Variants in DTX3 observed in about 807,000 individuals in gnomAD.
DTX3 encodes deltex E3 ubiquitin ligase 3.
Under a neutral mutation model 27.4 loss-of-function variants are expected in DTX3, and 10 were observed. The ratio of observed to expected loss-of-function variants is 0.36; its 90% CI spans 0.22 to 0.62. The LOEUF (loss-of-function observed/expected upper bound fraction) is 0.62, where lower values mean the gene tolerates loss of function less well. Ranked by LOEUF, DTX3 falls within the 20% of genes least tolerant of loss-of-function variation. The probability of loss-of-function intolerance (pLI) is 0.68; values close to 1 mark genes in which losing one functional copy is unlikely to be tolerated. For missense variants in DTX3, 319 were observed against 463.8 expected (o/e 0.69, Z 2.87); for synonymous variants, 171 against 190.7 (o/e 0.90, Z 0.85).
At position 57,609,582 on chromosome 12, in the gene DTX3, G is replaced by T. The variant is rs1883931424; in HGVS notation, c.*430G>T. On this transcript the variant is annotated 3_prime_UTR_variant, in exon 7 of 7. Coordinates refer to ENST00000337737, the MANE Select transcript of DTX3 (RefSeq NM_178502.4). ...GGTGCCGGGGAGGAGAAATTGGGCTGATGTGAGCTCCCCGTCACCCGCCAT... is the reference window on the plus strand; with the variant it reads ...GGTGCCGGGGAGGAGAAATTGGGCTTATGTGAGCTCCCCGTCACCCGCCAT... The T allele has an allele frequency of 5.2e-6, 1 of 191,896 alleles. No homozygotes were observed. The highest frequency in any genetic ancestry group is 1.1e-5 in the Non-Finnish European group (1 of 91,150). The allele number at this position is 191,896 out of a possible 1,614,324, so 11.9% of individuals were successfully genotyped here. A position where few individuals can be genotyped will look rare whatever the true frequency, so the allele number is the denominator to read the frequency against.
In DTX3 at chr12:57,606,252, G is replaced by A. The variant is rs1883711904; in HGVS notation, c.-76G>A. On this transcript the variant is annotated splice_region_variant and 5_prime_UTR_variant, in exon 3 of 7. Coordinates refer to ENST00000337737, the MANE Select transcript of DTX3 (RefSeq NM_178502.4). ...GCCATCATCTTCCATGGGCTTTCCA[G>A]GTATCTCCCCCGCAAGGGATCCTCA... is the stretch of plus-strand genomic sequence containing the variant. 1 of 497,320 alleles carries A rather than the reference G, an allele frequency of 2.0e-6. No homozygotes were observed. Among genetic ancestry groups the A allele is most frequent in the Admixed American group, 3.8e-5 (1 of 26,482 alleles). The allele number at this position is 497,320 out of a possible 1,614,324, so 30.8% of individuals were successfully genotyped here.
At position 57,606,272 on chromosome 12, in the gene DTX3, T is replaced by G. The variant is rs1033751888; in HGVS notation, c.-76+20T>G. 1 of 534,022 alleles carries G rather than the reference T, an allele frequency of 1.9e-6. No homozygotes were observed. The highest frequency in any genetic ancestry group is 3.3e-6 in the Non-Finnish European group (1 of 304,716). 33.1% of individuals were successfully genotyped at this position (534,022 alleles called of 1,614,324 possible). A position where few individuals can be genotyped will look rare whatever the true frequency, so the allele number is the denominator to read the frequency against. On this transcript the variant is annotated intron_variant, in intron 3 of 6. Coordinates refer to ENST00000337737, the MANE Select transcript of DTX3 (RefSeq NM_178502.4). ...TTCCAGGTATCTCCCCCGCAAGGGA[T>G]CCTCAATTTTCACCCTTAAACTGGT...
rs540027043 is a variant in DTX3 at position 57,609,485 on chromosome 12, G to C, written c.*333G>C. ...GTGCTCCACGACCAAGCCGAGAAAG[G>C]ACCTAGGGTGGGGAAGGGAGGGTCT... On this transcript the variant is annotated 3_prime_UTR_variant, in exon 7 of 7. Transcript: ENST00000337737. The C allele has an allele frequency of 2.4e-4, 60 of 253,912 alleles. No individual in the cohort carries two copies. Among genetic ancestry groups the C allele is most frequent in the Non-Finnish European group, 4.3e-4 (56 of 129,834 alleles). The allele number at this position is 253,912 out of a possible 1,614,324, so 15.7% of individuals were successfully genotyped here.
chr12:57,609,346 G>A lies in DTX3; in HGVS notation c.*194G>A. 1 of 600,730 alleles carries A rather than the reference G, an allele frequency of 1.7e-6. No individual in the cohort carries two copies. Among genetic ancestry groups the A allele is most frequent in the East Asian group, 2.8e-5 (1 of 35,584 alleles). The allele number at this position is 600,730 out of a possible 1,614,324, so 37.2% of individuals were successfully genotyped here. A position where few individuals can be genotyped will look rare whatever the true frequency, so the allele number is the denominator to read the frequency against. On this transcript the variant is annotated 3_prime_UTR_variant, in exon 7 of 7. Coordinates refer to ENST00000337737, the MANE Select transcript of DTX3 (RefSeq NM_178502.4). ...GGCCAAGTGTTTCAATGCAGTGTGA[G>A]CCACTCCCTTCTGGCAGAGGCCGAC...
intron 4 of DTX3, 86 bp downstream of exon 4, chr12:57,606,604 A>G: frequency 6.5e-7 from 1 of 1,545,136 alleles, no homozygotes; most frequent in Non-Finnish European, 8.9e-7. Flanking sequence ...AGTTGTTTCT[A>G]TGATCTGGGA....
In DTX3 at chr12:57,609,336, T is replaced by G; in HGVS notation, c.*184T>G. 1.6e-6 allele frequency: 1 copy of G among 621,578 alleles called. No individual in the cohort carries two copies. Among genetic ancestry groups the G allele is most frequent in the Non-Finnish European group, 2.9e-6 (1 of 348,160 alleles). The allele number at this position is 621,578 out of a possible 1,614,324, so 38.5% of individuals were successfully genotyped here. A position where few individuals can be genotyped will look rare whatever the true frequency, so the allele number is the denominator to read the frequency against. ...ATCCCCCACTGGCCAAGTGTTTCAA[T>G]GCAGTGTGAGCCACTCCCTTCTGGC... On this transcript the variant is annotated 3_prime_UTR_variant, in exon 7 of 7. Transcript: ENST00000337737.
chr12:57,606,565 C>T (rs765693743), intron 4 of DTX3, 47 bp downstream of exon 4: 3 of 1,606,044 alleles, frequency 1.9e-6, no homozygotes, highest in East Asian at 2.2e-5. Context: ...TTTAAACAGC[C>T]CATTTTTCCC....
In DTX3 at chr12:57,609,222, C is replaced by T. The variant is rs756208640; in HGVS notation, c.*70C>T. On this transcript the variant is annotated 3_prime_UTR_variant, in exon 7 of 7. Transcript: ENST00000337737. The stretch of plus-strand genomic sequence containing the variant: ...GACCCAGCAGAAGCCTCTTTCTCCT[C>T]TCTGCCCCCTGCCCCCCACACCACA... The T allele has an allele frequency of 2.3e-5, 33 of 1,436,302 alleles. No homozygotes were observed. The highest frequency in any genetic ancestry group is 2.9e-5 in the Non-Finnish European group (30 of 1,025,682). 89.0% of individuals were successfully genotyped at this position (1,436,302 alleles called of 1,614,324 possible). A position where few individuals can be genotyped will look rare whatever the true frequency, so the allele number is the denominator to read the frequency against.
At position 57,606,858 on chromosome 12, in the gene DTX3, G is replaced by C; in HGVS notation, c.2-7G>C. 3.1e-6 allele frequency: 5 copies of C among 1,598,386 alleles called. 1 individual carries two copies. The South Asian group carries it at 4.5e-5, about 14-fold the overall frequency. ...CCCACCCTGAGTCCCTTTCACCCTG[G>C]GGGCAGTGTCGTTCGTCCTGTCCAG... On this transcript the variant is annotated splice_polypyrimidine_tract_variant and splice_region_variant and intron_variant, in intron 4 of 6. Transcript: ENST00000337737.
Position 57,608,666 on chromosome 12 carries a change from C to A in DTX3, c.897C>A (p.Thr299=), listed in dbSNP as rs762458895. The change falls in exon 6 of 7, where the codon ACC becomes ACA. Residue 299 remains threonine (T), a synonymous_variant. Coordinates refer to ENST00000337737, the MANE Select transcript of DTX3 (RefSeq NM_178502.4). This position sits in a 1 kb window ranked among gnomAD's most constrained non-coding sequence, Gnocchi z 6.1. Reference sequence around the variant, plus strand: ...CCTTCACTATCGGCACGTCCATGACCACAGGGAGACCGAATGTCATCACCT... The same window carrying A: ...CCTTCACTATCGGCACGTCCATGACAACAGGGAGACCGAATGTCATCACCT... The part of the protein sequence containing the change: ...RLTFTIGTSM[T]TGRPNVITWN... 29 of 1,614,074 alleles carry A rather than the reference C, an allele frequency of 1.8e-5. No individual in the cohort carries two copies. Among genetic ancestry groups the A allele is most frequent in the Non-Finnish European group, 2.2e-5 (26 of 1,180,026 alleles).
Position 57,608,792 on chromosome 12 carries a change from A to C in DTX3, c.968+55A>C. 6.3e-7 allele frequency: 1 copy of C among 1,586,980 alleles called. No homozygotes were observed. On this transcript the variant is annotated intron_variant, in intron 6 of 6. Transcript: ENST00000337737. This position sits in a 1 kb window ranked among gnomAD's most constrained non-coding sequence, Gnocchi z 6.1. The stretch of plus-strand genomic sequence containing the variant: ...GGCTCCTCCCCTTTGTTCCATTTCC[A>C]CTGAGGGACCCACCAACCCCTCGCT...
At position 57,609,257 on chromosome 12, in the gene DTX3, G is replaced by C; in HGVS notation, c.*105G>C. 1 of 1,018,682 alleles carries C rather than the reference G, an allele frequency of 9.8e-7. No homozygotes were observed. Among genetic ancestry groups the C allele is most frequent in the Non-Finnish European group, 1.5e-6 (1 of 668,298 alleles). The allele number at this position is 1,018,682 out of a possible 1,614,324, so 63.1% of individuals were successfully genotyped here. On this transcript the variant is annotated 3_prime_UTR_variant, in exon 7 of 7. Transcript: ENST00000337737. Reference sequence around the variant, plus strand: ...TGCCCCCCACACCACACCTGTAGGGGACCTGTCTGACTGGGAAGGGAGTTC... The same window carrying C: ...TGCCCCCCACACCACACCTGTAGGGCACCTGTCTGACTGGGAAGGGAGTTC...
chr12:57,606,771 G>A, intron 4 of DTX3, 94 bp from the exon 5 acceptor site: 1 of 1,471,662 alleles, frequency 6.8e-7, no homozygotes, highest in East Asian at 2.3e-5. Context: ...GAAAACAGAG[G>A]TAATAGAGGG....
chr12:57,609,343 T>G lies in DTX3; in HGVS notation c.*191T>G, dbSNP rs530277789. On this transcript the variant is annotated 3_prime_UTR_variant, in exon 7 of 7. Coordinates refer to ENST00000337737, the MANE Select transcript of DTX3 (RefSeq NM_178502.4). The stretch of plus-strand genomic sequence containing the variant: ...ACTGGCCAAGTGTTTCAATGCAGTG[T>G]GAGCCACTCCCTTCTGGCAGAGGCC... The G allele has an allele frequency of 6.6e-6, 4 of 604,786 alleles. No homozygotes were observed. The South Asian group carries it at 7.7e-5, about 12-fold the overall frequency. The allele number at this position is 604,786 out of a possible 1,614,324, so 37.5% of individuals were successfully genotyped here.
Position 57,607,624 on chromosome 12 carries a change from C to T in DTX3, c.750+11C>T. 3 of 1,614,000 alleles carry T rather than the reference C, an allele frequency of 1.9e-6. No individual in the cohort carries two copies. The highest frequency in any genetic ancestry group is 2.5e-6 in the Non-Finnish European group (3 of 1,180,002). On this transcript the variant is annotated intron_variant, in intron 5 of 6. Transcript: ENST00000337737. This position sits in a 1 kb window ranked among gnomAD's most constrained non-coding sequence, Gnocchi z 7.7. Reference sequence around the variant, plus strand: ...CCCGGTGTCCAGGGGGTAAGAAGACCATGGCCTGCCCTTACCCTTTGGCTT... The same window carrying T: ...CCCGGTGTCCAGGGGGTAAGAAGACTATGGCCTGCCCTTACCCTTTGGCTT...
In DTX3 at chr12:57,607,063, C is replaced by T; in HGVS notation, c.200C>T (p.Pro67Leu). 1 of 1,614,214 alleles carries T rather than the reference C, an allele frequency of 6.2e-7. No individual in the cohort carries two copies. The highest frequency in any genetic ancestry group is 1.1e-5 in the South Asian group (1 of 91,084). Reference sequence around the variant, plus strand: ...GTTCTCCAGCTTTCCCCACAGGGTCCTCCCCCGGCCCCTCCAAATGGGCTC... The same window carrying T: ...GTTCTCCAGCTTTCCCCACAGGGTCTTCCCCCGGCCCCTCCAAATGGGCTC... ...IYVLQLSPQG[P>L]PPAPPNGLYL... The change falls in exon 5 of 7, where the codon CCT becomes CTT. Residue 67 changes from proline (P) to leucine (L), a missense_variant. This residue lies in a region of DTX3 where 202 missense variants were observed against 205.3 expected (regional missense o/e 0.98). Coordinates refer to ENST00000337737, the MANE Select transcript of DTX3 (RefSeq NM_178502.4). This position sits in a 1 kb window ranked among gnomAD's most constrained non-coding sequence, Gnocchi z 7.7.
Position 57,606,847 on chromosome 12 carries a change from C to G in DTX3, c.2-18C>G. Reference sequence around the variant, plus strand: ...AATGGGGACCCCCCACCCTGAGTCCCTTTCACCCTGGGGGCAGTGTCGTTC... The same window carrying G: ...AATGGGGACCCCCCACCCTGAGTCCGTTTCACCCTGGGGGCAGTGTCGTTC... On this transcript the variant is annotated intron_variant, in intron 4 of 6. Transcript: ENST00000337737. 3.1e-6 allele frequency: 5 copies of G among 1,590,416 alleles called. No individual in the cohort carries two copies. Among genetic ancestry groups the G allele is most frequent in the Non-Finnish European group, 4.3e-6 (5 of 1,166,726 alleles).
rs951662418 is a variant in DTX3 at position 57,608,987 on chromosome 12, GTC to G, written c.969-88_969-87del. 6 of 1,289,930 alleles carry G rather than the reference GTC, an allele frequency of 4.7e-6. No individual in the cohort carries two copies. The highest frequency in any genetic ancestry group is 6.7e-6 in the Non-Finnish European group (6 of 899,142). The allele number at this position is 1,289,930 out of a possible 1,614,324, so 79.9% of individuals were successfully genotyped here. ...CCTCCCTTAGGGGAGGTGGGGAGGTGTCTGAGCCACCTAGAATGAGGGTGAGC... is the reference window on the plus strand; with the variant it reads ...CCTCCCTTAGGGGAGGTGGGGAGGTGTGAGCCACCTAGAATGAGGGTGAGC... On this transcript the variant is annotated intron_variant, in intron 6 of 6. Transcript: ENST00000337737. This position sits in a 1 kb window ranked among gnomAD's most constrained non-coding sequence, Gnocchi z 6.1.
intron 1 of DTX3, 100 bp downstream of exon 1, chr12:57,604,958 T>G (rs1159751944): frequency 6.8e-6 from 1 of 146,630 alleles, no homozygotes; most frequent in Non-Finnish European, 1.5e-5. Context: ...CTCCTCCACC[T>G]CCCCTCCCCG....
Sources: allele counts gnomAD v4.1 joint callset, GRCh38; gene constraint gnomAD v4.1.1; regional missense constraint gnomAD v4.1.1; non-coding constraint Gnocchi (gnomAD v3.1); transcripts MANE v1.5; gene names NCBI Gene and HGNC (gene_info 2026-07-23, HGNC 2026-07-21).